The following PRKCA variants were observed in gnomAD, a reference collection of about 807,000 sequenced individuals.
The protein encoded by PRKCA is protein kinase C alpha type.
In PRKCA, 27 loss-of-function variants were observed where a neutral mutation model predicts 87.0. The observed-to-expected ratio is 0.31, with a 90% CI of 0.23 to 0.43. The LOEUF is 0.43. Among genes scored for constraint, PRKCA ranks in the 20% least tolerant of loss-of-function variants. PRKCA has a pLI of 1.00. For synonymous variants in PRKCA, 329 were observed against 311.1 expected (o/e 1.06, Z -0.61); for missense variants, 518 against 852.3 (o/e 0.61, Z 4.88).
At chr17:66,649,131 G>C (rs1044657277) in intron 5 of PRKCA, among the ~76,000 whole-genome samples, 1 of 151,610 alleles carries the variant, frequency 6.6e-6, no homozygotes, top group African/African-American at 2.4e-5. Flanking sequence ...GAAAAAATAG[G>C]TACCCGCATT....
chr17:66,396,105 A>G (rs1314177135), intron 2 of PRKCA, among the ~76,000 whole-genome samples: 1 of 150,882 alleles, frequency 6.6e-6, no homozygotes, highest in Non-Finnish European at 1.5e-5. Context: ...AAAGCTAAGG[A>G]TATGGTTGCT....
At chr17:66,587,963 T>C (rs1969675337) in intron 3 of PRKCA, among the ~76,000 whole-genome samples, 1 of 146,948 alleles carries the variant, frequency 6.8e-6, no homozygotes, top group Admixed American at 6.9e-5. Flanking sequence ...GAGATTCTCC[T>C]ATGTGAGAAT....
chr17:66,551,747 A>G (rs1968339726), intron 3 of PRKCA, among the ~76,000 whole-genome samples: 1 of 152,190 alleles, frequency 6.6e-6, no homozygotes, highest in Non-Finnish European at 1.5e-5. Flanking sequence ...GTTTCACTTG[A>G]AGCAAACATA....
chr17:66,724,423 C>G (rs1301250673), intron 8 of PRKCA, among the ~76,000 whole-genome samples: 3 of 152,192 alleles, frequency 2.0e-5, no homozygotes, highest in Admixed American at 6.5e-5. Context: ...AGCCTGTGGA[C>G]TGCTGCTCAG....
At chr17:66,354,673 T>G (rs1907946299) in intron 2 of PRKCA, among the ~76,000 whole-genome samples, 1 of 152,204 alleles carries the variant, frequency 6.6e-6, no homozygotes, top group Non-Finnish European at 1.5e-5. Flanking sequence ...CCTACTTGAC[T>G]AATCAGTTTA....
intron 2 of PRKCA, among the ~76,000 whole-genome samples, chr17:66,368,382 ATATATTTTTTTTTTTTTTT>A (rs1908881553): frequency 5.8e-5 from 2 of 34,570 alleles, no homozygotes; most frequent in African/African-American, 1.7e-4. Flanking sequence ...ATATATATAT[ATATATTTTTTTTTTTTTTT>A]TTTTTTTTTT....
chr17:66,646,267 A>G (rs929321896), intron 5 of PRKCA, among the ~76,000 whole-genome samples: 14 of 152,196 alleles, frequency 9.2e-5, no homozygotes, highest in African/African-American at 2.7e-4. Context: ...GCTCTGCCAC[A>G]ACATGGCTTT....
At chr17:66,404,136 A>G (rs534602647) in intron 2 of PRKCA, 101 of 152,288 alleles carry the variant, frequency 6.6e-4, no homozygotes, top group Middle Eastern at 3.4e-3. Context: ...TAGCTCCCCA[A>G]TCTCTGTTGC....
intron 3 of PRKCA, among the ~76,000 whole-genome samples, chr17:66,618,424 A>G (rs1340895058): frequency 2.0e-5 from 3 of 151,996 alleles, no homozygotes; most frequent in African/African-American, 7.3e-5. Context: ...GTGTATACAT[A>G]CAGTCTTTAC....
In PRKCA at chr17:66,515,320, C is replaced by G. The variant is rs1357687244; in HGVS notation, c.288+19037C>G. Among the ~76,000 whole-genome samples the G allele has an allele frequency of 1.4e-4, 21 of 148,474 alleles. No individual in the cohort carries two copies. In the Admixed American group the frequency reaches 1.4e-3, roughly 10 times the overall value. Reference sequence around the variant, plus strand: ...GAATGAATGTTGGATAGGTAACTAACAGTGAACTCTGTCGTAAAGTTGCTG... The same window carrying G: ...GAATGAATGTTGGATAGGTAACTAAGAGTGAACTCTGTCGTAAAGTTGCTG... On this transcript the variant is annotated intron_variant, in intron 3 of 16. Transcript: ENST00000413366.
chr17:66,720,055 G>A (rs553523495), intron 8 of PRKCA, among the ~76,000 whole-genome samples: 5 of 152,322 alleles, frequency 3.3e-5, no homozygotes, highest in East Asian at 1.9e-4. Context: ...CAGACGAGCC[G>A]TGCGTGCTCA....
intron 2 of PRKCA, among the ~76,000 whole-genome samples, chr17:66,433,823 G>A (rs373749376): frequency 2.0e-5 from 3 of 152,162 alleles, no homozygotes; most frequent in Admixed American, 6.5e-5. Flanking sequence ...GGGATTATAG[G>A]TGTGAGCCAC....
At chr17:66,506,633 G>A (rs1289968394) in intron 3 of PRKCA, among the ~76,000 whole-genome samples, 1 of 152,192 alleles carries the variant, frequency 6.6e-6, no homozygotes, top group African/African-American at 2.4e-5. Flanking sequence ...ATACCCAAGA[G>A]TAGCCGTCTC....
intron 2 of PRKCA, among the ~76,000 whole-genome samples, chr17:66,331,535 C>T (rs1021589937): frequency 2.0e-5 from 3 of 152,046 alleles, no homozygotes; most frequent in South Asian, 2.1e-4. Flanking sequence ...GAGTCGGTAC[C>T]GGGACTCTCC....
At chr17:66,343,673 G>C (rs951460094) in intron 2 of PRKCA, among the ~76,000 whole-genome samples, 1 of 152,046 alleles carries the variant, frequency 6.6e-6, no homozygotes, top group African/African-American at 2.4e-5. Context: ...GGCTGTACTT[G>C]AAAAATGGAC....
chr17:66,520,042 T>C (rs988351112), intron 3 of PRKCA, among the ~76,000 whole-genome samples: 1 of 152,178 alleles, frequency 6.6e-6, no homozygotes, highest in South Asian at 2.1e-4. Flanking sequence ...TTTGTTTGTT[T>C]GTTTGTTTGT....
intron 8 of PRKCA, among the ~76,000 whole-genome samples, chr17:66,716,953 T>C (rs1350249873): frequency 6.6e-6 from 1 of 151,444 alleles, no homozygotes; most frequent in East Asian, 2.0e-4. Flanking sequence ...TACATTTTGC[T>C]CTGCTGAATA....
At chr17:66,629,706 T>C (rs962798443) in intron 3 of PRKCA, among the ~76,000 whole-genome samples, 3 of 152,166 alleles carry the variant, frequency 2.0e-5, no homozygotes, top group Non-Finnish European at 4.4e-5. Context: ...TATCACATTT[T>C]AATAGAGGAT....
chr17:66,660,734 T>G (rs1292998705), intron 5 of PRKCA, among the ~76,000 whole-genome samples: 1 of 151,834 alleles, frequency 6.6e-6, no homozygotes, highest in East Asian at 1.9e-4. Flanking sequence ...CTAAAAAATA[T>G]ATATATATAA....
Sources: gnomAD v4.1 joint callset for allele counts (sites outside exome capture counted in the v4.1 genomes callset) on GRCh38, gnomAD v4.1.1 for gene constraint, MANE v1.5 for transcripts, NCBI Gene and HGNC (gene_info 2026-07-23, HGNC 2026-07-21) for gene names.